The following CRB1 variants were observed in gnomAD, a reference collection of about 807,000 sequenced individuals.
The protein encoded by CRB1 is protein crumbs homolog 1.
Under a neutral mutation model 120.0 loss-of-function variants are expected in CRB1, and 83 were observed. That is an observed-to-expected ratio of 0.69 (90% CI 0.58 to 0.83). The LOEUF (loss-of-function observed/expected upper bound fraction) is 0.83, where lower values mean the gene tolerates loss of function less well. Among genes scored for constraint, CRB1 ranks in the 40% least tolerant of loss-of-function variants. The probability of loss-of-function intolerance (pLI) is 0.00; values close to 1 mark genes in which losing one functional copy is unlikely to be tolerated. For missense variants in CRB1, 1,699 were observed against 1,687.6 expected (o/e 1.01, Z -0.12); for synonymous variants, 625 against 612.5 (o/e 1.02, Z -0.30).
chr1:197,252,753 G>T, the CRB1 span, among the ~76,000 whole-genome samples: 1 of 150,796 alleles, frequency 6.6e-6, no homozygotes, highest in Non-Finnish European at 1.5e-5. Context: ...AAACAGGAAA[G>T]CCAGTGCAGT....
At chr1:197,447,991 A>C (rs1053852758) in intron 11 of CRB1, among the ~76,000 whole-genome samples, 4 of 152,148 alleles carry the variant, frequency 2.6e-5, no homozygotes, top group Admixed American at 2.6e-4. Flanking sequence ...ATCCACTGAT[A>C]GATTTTTCAA....
At chr1:197,325,187 C>G (rs895933759) in intron 1 of CRB1, among the ~76,000 whole-genome samples, 6 of 152,052 alleles carry the variant, frequency 3.9e-5, no homozygotes, top group African/African-American at 7.2e-5. Flanking sequence ...AAAGATGTGC[C>G]CCTCCTGCAC....
intron 5 of CRB1, among the ~76,000 whole-genome samples, chr1:197,373,321 C>A (rs1661472099): frequency 6.6e-6 from 1 of 152,072 alleles, no homozygotes; most frequent in South Asian, 2.1e-4. Flanking sequence ...TCTTTATGAT[C>A]TAAGACCATG....
chr1:197,396,497 C>G (rs566045209), intron 5 of CRB1, among the ~76,000 whole-genome samples: 3 of 151,548 alleles, frequency 2.0e-5, no homozygotes, highest in South Asian at 4.2e-4. Flanking sequence ...TATGGAAAGC[C>G]AAAGGAAATA....
intron 1 of CRB1, among the ~76,000 whole-genome samples, chr1:197,301,499 A>C (rs1310285557): frequency 6.6e-6 from 1 of 152,120 alleles, no homozygotes. Flanking sequence ...ACATTTTATA[A>C]GGTGAACACT....
At chr1:197,312,021 C>T (rs1214966703) in intron 1 of CRB1, among the ~76,000 whole-genome samples, 2 of 152,030 alleles carry the variant, frequency 1.3e-5, no homozygotes, top group Non-Finnish European at 2.9e-5. Context: ...CTATTCTTTT[C>T]TGTAAGTCGT....
intron 4 of CRB1, among the ~76,000 whole-genome samples, chr1:197,354,878 G>T (rs1660374738): frequency 1.1e-5 from 1 of 88,352 alleles, no homozygotes; most frequent in Non-Finnish European, 2.1e-5. Flanking sequence ...ACATCCTGCT[G>T]ATTGGTCCAT....
chr1:197,217,732 TTAGA>T, the CRB1 span, among the ~76,000 whole-genome samples: 1 of 152,126 alleles, frequency 6.6e-6, no homozygotes, highest in African/African-American at 2.4e-5. Context: ...TGTTCTAAAA[TTAGA>T]TAGTGGTCAT....
chr1:197,429,593 C>A lies in CRB1; in HGVS notation c.2821C>A (p.Pro941Thr), dbSNP rs374914600. ...GTGTCCTCACGGAGCCCAGTGCCAG[C>A]CGGTGCTTCAAGGATTTGAATGTAG... ...SPCPHGAQCQ[P>T]VLQGFECIAN... The change falls in exon 8 of 12, where the codon CCG becomes ACG. Residue 941 changes from proline to threonine, a missense_variant. Pro to Thr is a conservative substitution (Grantham distance 38, BLOSUM62 -1). Coordinates refer to ENST00000367400, the MANE Select transcript of CRB1 (RefSeq NM_201253.3). 8 of 1,613,888 alleles carry A rather than the reference C, an allele frequency of 5.0e-6. No homozygotes were observed. Among genetic ancestry groups the A allele is most frequent in the South Asian group, 1.1e-5 (1 of 91,082 alleles).
intron 5 of CRB1, among the ~76,000 whole-genome samples, chr1:197,390,567 G>C (rs887492193): frequency 6.6e-6 from 1 of 151,994 alleles, no homozygotes; most frequent in Non-Finnish European, 1.5e-5. Flanking sequence ...GTTTGACCCA[G>C]CATACAGAAT....
At chr1:197,413,986 T>TGCTCATAGGTAACTATA in intron 5 of CRB1, 1 of 456,812 alleles carries the variant, frequency 2.2e-6, no homozygotes, top group Admixed American at 2.3e-5. Context: ...CACATTTTAA[T>TGCTCATAGGTAACTATA]GGCAATGCTC....
At chr1:197,223,787 C>T in the CRB1 span, among the ~76,000 whole-genome samples, 2 of 152,102 alleles carry the variant, frequency 1.3e-5, no homozygotes, top group Admixed American at 6.5e-5. Context: ...TTTTGGAACT[C>T]TTTCTGATTG....
intron 1 of CRB1, among the ~76,000 whole-genome samples, chr1:197,271,282 T>C (rs1455255064): frequency 6.6e-6 from 1 of 152,198 alleles, no homozygotes; most frequent in East Asian, 1.9e-4. Context: ...TCTTCGAACT[T>C]TGAAATATGT....
At chr1:197,439,836 A>T (rs184936236) in intron 10 of CRB1, 1 of 152,294 alleles carries the variant, frequency 6.6e-6, no homozygotes. Flanking sequence ...TCTGTTTTCT[A>T]GCTGGCCTCT....
chr1:197,248,271 A>T, the CRB1 span, among the ~76,000 whole-genome samples: 12 of 152,164 alleles, frequency 7.9e-5, no homozygotes, highest in Non-Finnish European at 1.5e-4. Context: ...AAGTTAGCTA[A>T]TTAAATAATT....
At chr1:197,301,996 T>C (rs1656891749) in intron 1 of CRB1, among the ~76,000 whole-genome samples, 1 of 151,950 alleles carries the variant, frequency 6.6e-6, no homozygotes, top group Non-Finnish European at 1.5e-5. Context: ...AAAACAGCAA[T>C]GAGGTTTGAG....
chr1:197,223,168 T>G, the CRB1 span: 27 of 1,043,540 alleles, frequency 2.6e-5, no homozygotes, highest in Non-Finnish European at 3.8e-5. Flanking sequence ...TGGCTGTGAT[T>G]ATCACTTCTT....
chr1:197,268,601 A>AT, intron 1 of CRB1, 119 bp downstream of exon 1: 3 of 830,168 alleles, frequency 3.6e-6, no homozygotes, highest in Non-Finnish European at 3.9e-6. Flanking sequence ...GGAAGTTTTT[A>AT]TTTGTTTTTT....
the CRB1 span, among the ~76,000 whole-genome samples, chr1:197,234,220 C>G: frequency 6.6e-6 from 1 of 152,144 alleles, no homozygotes; most frequent in Admixed American, 6.6e-5. Context: ...TAGGCTGAAC[C>G]TAGTGACTCC....
Sources: allele counts gnomAD v4.1 joint callset (sites outside exome capture counted in the v4.1 genomes callset), GRCh38; gene constraint gnomAD v4.1.1; transcripts MANE v1.5; gene names NCBI Gene and HGNC (gene_info 2026-07-23, HGNC 2026-07-21).